Variants in DAB1 observed in about 807,000 individuals in gnomAD.
The protein encoded by DAB1 is DAB adaptor protein 1.
DAB1 carries 15 observed loss-of-function variants against 64.6 expected under a neutral mutation model. The observed-to-expected ratio is 0.23, with a 90% CI of 0.16 to 0.36. DAB1 has a LOEUF of 0.36. Ranked by LOEUF, DAB1 falls within the 10% of genes least tolerant of loss-of-function variation. The pLI, the probability that DAB1 is intolerant of heterozygous loss-of-function variation, is 1.00. For synonymous variants in DAB1, 235 were observed against 251.9 expected, an observed-to-expected ratio of 0.93 and a Z score of 0.64; for missense variants, 596 against 706.7, an observed-to-expected ratio of 0.84 and a Z score of 1.78.
intron 4 of DAB1, among the ~76,000 whole-genome samples, chr1:58,281,998 ATCC>A (rs1008514865): frequency 2.0e-5 from 3 of 151,746 alleles, no homozygotes; most frequent in African/African-American, 4.8e-5. Flanking sequence ...CCTCCTCATC[ATCC>A]TCATCTTTGT....
chr1:57,196,054 G>T (rs927695653), intron 2 of DAB1, among the ~76,000 whole-genome samples: 1 of 152,158 alleles, frequency 6.6e-6, no homozygotes, highest in African/African-American at 2.4e-5. Flanking sequence ...TAGGAGGAAG[G>T]GGTGGGAGAG....
At chr1:57,699,595 AACTT>A (rs1364283896) in intron 6 of DAB1, among the ~76,000 whole-genome samples, 2 of 152,168 alleles carry the variant, frequency 1.3e-5, no homozygotes, top group Non-Finnish European at 2.9e-5. Context: ...AAGTGACTCT[AACTT>A]ACAGAGGAAA....
chr1:57,974,221 C>CT (rs1645865539), intron 5 of DAB1, among the ~76,000 whole-genome samples: 1 of 152,140 alleles, frequency 6.6e-6, no homozygotes, highest in African/African-American at 2.4e-5. Context: ...GAGAGCTTCC[C>CT]TGCCCATCCC....
chr1:58,167,761 G>A lies in DAB1; in HGVS notation n.310-17173C>T, dbSNP rs541736153. Among the ~76,000 whole-genome samples, 7 of 152,248 alleles carry A rather than the reference G, an allele frequency of 4.6e-5. No individual in the cohort carries two copies. In the East Asian group the frequency reaches 5.8e-4, roughly 13 times the overall value. On this transcript the variant is annotated intron_variant and non_coding_transcript_variant, in intron 4 of 20. Coordinates refer to the DAB1 transcript ENST00000485760. ...CCAGGAGGAATAAACAACTCCGGAC[G>A]CACCACCTTTAAGAGTTGTAACACT...
At chr1:57,695,273 G>GGAGAGAGAGAGA (rs1557427566) in intron 6 of DAB1, among the ~76,000 whole-genome samples, 4 of 76,492 alleles carry the variant, frequency 5.2e-5, no homozygotes, top group African/African-American at 2.1e-4. Flanking sequence ...AGGAAGGAAG[G>GGAGAGAGAGAGA]AAGGAAGGAA....
At chr1:57,988,277 A>C (rs1220367776) in intron 5 of DAB1, among the ~76,000 whole-genome samples, 1 of 152,204 alleles carries the variant, frequency 6.6e-6, no homozygotes, top group Non-Finnish European at 1.5e-5. Flanking sequence ...GAGTGGAGAC[A>C]CAGGGCATGT....
intron 1 of DAB1, among the ~76,000 whole-genome samples, chr1:57,413,743 C>CAAAAAAAAA (rs58388088): frequency 9.3e-5 from 6 of 64,510 alleles, no homozygotes; most frequent in African/African-American, 3.0e-4. Flanking sequence ...GACTCTGTCT[C>CAAAAAAAAA]AAAAAAAAAA....
intron 5 of DAB1, among the ~76,000 whole-genome samples, chr1:58,073,740 A>G (rs756451439): frequency 3.3e-5 from 5 of 152,312 alleles, no homozygotes; most frequent in Non-Finnish European, 4.4e-5. Context: ...GCCCAAGTCA[A>G]TGTGTCTCTG....
intron 5 of DAB1, among the ~76,000 whole-genome samples, chr1:58,109,708 G>A (rs920413417): frequency 6.6e-6 from 1 of 151,944 alleles, no homozygotes; most frequent in African/African-American, 2.4e-5. Flanking sequence ...TACACTCCCA[G>A]CCAAAGCACA....
chr1:57,392,291 T>G (rs1682441681), intron 1 of DAB1, among the ~76,000 whole-genome samples: 3 of 152,158 alleles, frequency 2.0e-5, no homozygotes, highest in Admixed American at 2.0e-4. Context: ...GAGAATTGCT[T>G]GAACCCAGGG....
Position 57,817,136 on chromosome 1 carries a change from A to G in DAB1, n.551+66863T>C, listed in dbSNP as rs1224541402. ...CTGAATGAAGAGAGGTGAAGCACTT[A>G]AATTGTGCCAGGCACATAATATATA... On this transcript the variant is annotated intron_variant and non_coding_transcript_variant, in intron 6 of 20. Coordinates refer to the DAB1 transcript ENST00000485760. Among the ~76,000 whole-genome samples the G allele has an allele frequency of 3.9e-5, 6 of 152,236 alleles. No homozygotes were observed. In the East Asian group the frequency reaches 1.2e-3, roughly 29 times the overall value.
chr1:57,144,416 C>A (rs987588948), intron 3 of DAB1, among the ~76,000 whole-genome samples: 2 of 151,952 alleles, frequency 1.3e-5, no homozygotes, highest in Non-Finnish European at 2.9e-5. Context: ...TAATTTCTGG[C>A]CGGGCACAGT....
chr1:58,151,867 C>A (rs996642148), intron 4 of DAB1, among the ~76,000 whole-genome samples: 2 of 152,124 alleles, frequency 1.3e-5, no homozygotes, highest in Non-Finnish European at 2.9e-5. Flanking sequence ...ATTGGAAGAA[C>A]GGTTGAAGCA....
chr1:58,284,503 A>T (rs1040275461), intron 4 of DAB1, among the ~76,000 whole-genome samples: 2 of 152,238 alleles, frequency 1.3e-5, no homozygotes, highest in Non-Finnish European at 2.9e-5. Context: ...TTAAGCACAG[A>T]TCTGGAAGGA....
rs368719797 is a variant in DAB1 at position 57,057,891 on chromosome 1, A to C, written c.723+4993T>G. Among the ~76,000 whole-genome samples the C allele has an allele frequency of 3.9e-5, 6 of 152,244 alleles. No individual in the cohort carries two copies. In the East Asian group the frequency reaches 7.7e-4, roughly 20 times the overall value. On this transcript the variant is annotated intron_variant, in intron 9 of 14. Coordinates refer to ENST00000371236, the MANE Select transcript of DAB1 (RefSeq NM_001365792.1). ...CCAAAGTGCTGGGATTACAGGCATG[A>C]GCCACCGCGCCCGGCCTACTGATTC...
At chr1:57,625,739 A>T (rs1229523661) in intron 7 of DAB1, among the ~76,000 whole-genome samples, 1 of 152,070 alleles carries the variant, frequency 6.6e-6, no homozygotes, top group East Asian at 1.9e-4. Context: ...AGGGAAAGGG[A>T]GGAGGGGAAA....
chr1:58,438,297 T>C (rs1182884628), intron 3 of DAB1, among the ~76,000 whole-genome samples: 2 of 152,186 alleles, frequency 1.3e-5, no homozygotes, highest in African/African-American at 2.4e-5. Flanking sequence ...CAGGAAAATG[T>C]AGGTTGCATT....
At chr1:57,439,819 CAAT>C (rs112926064) in intron 7 of DAB1, among the ~76,000 whole-genome samples, 144 of 152,172 alleles carry the variant, frequency 9.5e-4, no homozygotes, top group African/African-American at 3.3e-3. Flanking sequence ...ATTATGATAA[CAAT>C]GACAATGATG....
intron 5 of DAB1, among the ~76,000 whole-genome samples, chr1:58,149,704 T>C (rs1245733654): frequency 6.6e-6 from 1 of 152,030 alleles, no homozygotes; most frequent in Non-Finnish European, 1.5e-5. Context: ...TGCTACAAGG[T>C]AGGAGGTGAT....
Sources: gnomAD v4.1 joint callset for allele counts (sites outside exome capture counted in the v4.1 genomes callset) on GRCh38, gnomAD v4.1.1 for gene constraint, MANE v1.5 for transcripts, NCBI Gene and HGNC (gene_info 2026-07-23, HGNC 2026-07-21) for gene names.